FREM2: variants seen among roughly 807,000 people sequenced by gnomAD.
FREM2 encodes the protein FRAS1 related extracellular matrix 2, also known as FRAS1-related extracellular matrix protein 2.
FREM2 carries 119 observed loss-of-function variants against 219.9 expected under a neutral mutation model. That is an observed-to-expected ratio of 0.54 (90% CI 0.47 to 0.63). FREM2 has a LOEUF of 0.63. Ranked by LOEUF, FREM2 falls within the 30% of genes least tolerant of loss-of-function variation. The probability of loss-of-function intolerance (pLI) is 0.00; values close to 1 mark genes in which losing one functional copy is unlikely to be tolerated. For missense variants in FREM2, 4,030 were observed against 3,993.6 expected, an observed-to-expected ratio of 1.01 and a Z score of -0.25; for synonymous variants, 1,562 against 1,522.8, an observed-to-expected ratio of 1.03 and a Z score of -0.60.
chr13:38,692,876 A>G (rs1458981355), intron 1 of FREM2, among the ~76,000 whole-genome samples: 1 of 152,194 alleles, frequency 6.6e-6, no homozygotes, highest in African/African-American at 2.4e-5. Flanking sequence ...TTCATGAAGC[A>G]TTTTGGCACC....
chr13:38,725,281 C>T (rs941817122), intron 2 of FREM2, among the ~76,000 whole-genome samples: 8 of 152,144 alleles, frequency 5.3e-5, no homozygotes, highest in African/African-American at 1.9e-4. Flanking sequence ...TCTCTGCCTT[C>T]ATAATACTTT....
chr13:38,812,494 G>A (rs1386357659), intron 6 of FREM2, among the ~76,000 whole-genome samples: 1 of 152,066 alleles, frequency 6.6e-6, no homozygotes, highest in Non-Finnish European at 1.5e-5. Context: ...CACAAGGCTT[G>A]CAAATACTAT....
At chr13:38,694,043 A>T (rs1459674914) in intron 1 of FREM2, among the ~76,000 whole-genome samples, 1 of 152,254 alleles carries the variant, frequency 6.6e-6, no homozygotes, top group Non-Finnish European at 1.5e-5. Context: ...TCTGACCTGA[A>T]AAAGAAATCT....
intron 2 of FREM2, among the ~76,000 whole-genome samples, chr13:38,746,915 G>A (rs1402838973): frequency 6.6e-6 from 1 of 152,138 alleles, no homozygotes. Flanking sequence ...GCATTTCCTG[G>A]GTCCTTGGTA....
intron 6 of FREM2, among the ~76,000 whole-genome samples, chr13:38,800,034 A>T (rs1248319719): frequency 1.3e-5 from 2 of 151,852 alleles, no homozygotes; most frequent in African/African-American, 2.4e-5. Context: ...TGGTTATTTT[A>T]TATATTATCT....
intron 17 of FREM2, among the ~76,000 whole-genome samples, chr13:38,873,735 AAAAC>A (rs1245348552): frequency 6.6e-6 from 1 of 152,208 alleles, no homozygotes. Flanking sequence ...AGCCAGCAGG[AAAAC>A]AGAGTTAATA....
At position 38,706,006 on chromosome 13, in the gene FREM2, C is replaced by T. The variant is rs148938298; in HGVS notation, c.5263+8219C>T. On this transcript the variant is annotated intron_variant, in intron 2 of 23. Coordinates refer to ENST00000280481, the MANE Select transcript of FREM2 (RefSeq NM_207361.6). ...CGGAGGCTTCCAAAGTTATTTCACA[C>T]GTTGTAAGTAGTTTAACTAATATTT... Among the ~76,000 whole-genome samples the T allele has an allele frequency of 5.5e-3, 831 of 152,226 alleles. 16 individuals carry two copies. Among genetic ancestry groups the T allele is most frequent in the African/African-American group, 0.019 (782 of 41,534 alleles).
rs1877695388 is a variant in FREM2, at chr13:38,859,692, A to G, written c.7519+102A>G. 16 of 1,120,238 alleles carry G rather than the reference A, an allele frequency of 1.4e-5. No individual in the cohort carries two copies. The East Asian group carries it at 1.8e-4, about 12-fold the overall frequency. The allele number at this position is 1,120,238 out of a possible 1,614,324, so 69.4% of individuals were successfully genotyped here. The stretch of plus-strand genomic sequence containing the variant: ...ATACTTCCAATGTCCCACATATTCC[A>G]TATATTTTGTAAGTAGTGAAAAATT... On this transcript the variant is annotated intron_variant, in intron 14 of 23. Transcript: ENST00000280481.
chr13:38,877,729 A>C (rs1003116051), intron 21 of FREM2, among the ~76,000 whole-genome samples: 1 of 152,200 alleles, frequency 6.6e-6, no homozygotes, highest in Non-Finnish European at 1.5e-5. Context: ...AGAAACAAAT[A>C]ACGTTAATTA....
At chr13:38,864,169 A>T in intron 15 of FREM2, 106 bp from the exon 16 acceptor site, 1 of 864,932 alleles carries the variant, frequency 1.2e-6, no homozygotes, top group Non-Finnish European at 1.9e-6. Context: ...CCACTGCTGT[A>T]TGGCATTTTA....
intron 6 of FREM2, among the ~76,000 whole-genome samples, chr13:38,828,792 C>A (rs1876396088): frequency 6.6e-6 from 1 of 151,924 alleles, no homozygotes; most frequent in Non-Finnish European, 1.5e-5. Flanking sequence ...TGCATATAAA[C>A]CCAGCTCATT....
intron 6 of FREM2, among the ~76,000 whole-genome samples, chr13:38,827,859 A>T (rs4612934): frequency 0.44 from 67,603 of 151,924 alleles, 15,738 homozygotes; most frequent in African/African-American, 0.59. Flanking sequence ...GTTTTAGAGA[A>T]CTTAACGAAG....
chr13:38,714,174 GTGGCTGGTCAGTCACATA>G (rs1870889451), intron 2 of FREM2, among the ~76,000 whole-genome samples: 3 of 152,234 alleles, frequency 2.0e-5, no homozygotes, highest in African/African-American at 7.2e-5. Flanking sequence ...CATGCACATA[GTGGCTGGTCAGTCACATA>G]TTCAAATGAG....
At chr13:38,816,605 A>G (rs1875778068) in intron 6 of FREM2, among the ~76,000 whole-genome samples, 1 of 152,170 alleles carries the variant, frequency 6.6e-6, no homozygotes, top group Admixed American at 6.5e-5. Flanking sequence ...TATGACAAAC[A>G]CACAGCTAAC....
At chr13:38,811,956 T>C (rs1415516913) in intron 6 of FREM2, among the ~76,000 whole-genome samples, 1 of 152,168 alleles carries the variant, frequency 6.6e-6, no homozygotes, top group African/African-American at 2.4e-5. Context: ...CAATGCTTAC[T>C]TTATATATCT....
rs779368897 is a variant in FREM2, at chr13:38,880,351, G to A, written c.9074G>A (p.Arg3025Gln). 24 of 1,613,670 alleles carry A rather than the reference G, an allele frequency of 1.5e-5. No individual in the cohort carries two copies. The highest frequency in any genetic ancestry group is 1.3e-4 in the East Asian group (6 of 44,882). The change falls in exon 24 of 24, where the codon CGA (arginine) becomes CAA (glutamine). Residue 3025 changes from arginine to glutamine, a missense_variant. This residue lies in a region of FREM2 where 928 missense variants were observed against 1,042.9 expected (regional missense o/e 0.89). Coordinates refer to ENST00000280481, the MANE Select transcript of FREM2 (RefSeq NM_207361.6). ...GTGAGATCGAAAGACAATGCCAATC[G>A]AGGTATTGGCAAAAGAAGTGTGGAG... ...YTVRSKDNAN[R>Q]GIGKRSVEYH...
At chr13:38,787,307 C>T (rs1266789095) in intron 6 of FREM2, among the ~76,000 whole-genome samples, 1 of 152,150 alleles carries the variant, frequency 6.6e-6, no homozygotes, top group Admixed American at 6.6e-5. Context: ...ATGCATACTG[C>T]TCTGTTTTCT....
At position 38,692,243 on chromosome 13, in the gene FREM2, T is replaced by C. The variant is rs745690359; in HGVS notation, c.4899T>C (p.Asp1633=). ...ATACAGACTTCTATGTTTTTCCTGATACGGTGTTTGAAACAAGGAGACCCC... is the reference window on the plus strand; with the variant it reads ...ATACAGACTTCTATGTTTTTCCTGACACGGTGTTTGAAACAAGGAGACCCC... ...GTHTDFYVFP[D]TVFETRRPQV... is the part of the protein sequence containing the mutation. The change falls in exon 1 of 24, where the codon GAT becomes GAC. Residue 1633 remains aspartate (D), a synonymous_variant. Transcript: ENST00000280481. 2 of 1,614,178 alleles carry C rather than the reference T, an allele frequency of 1.2e-6. No homozygotes were observed. Among genetic ancestry groups the C allele is most frequent in the Non-Finnish European group, 1.7e-6 (2 of 1,180,026 alleles).
chr13:38,724,432 T>A (rs9548439), intron 2 of FREM2, among the ~76,000 whole-genome samples: 18,260 of 152,146 alleles, frequency 0.12, 1,285 homozygotes, highest in Middle Eastern at 0.24. Context: ...GGATGTGGTA[T>A]TAGATTTAAA....
Sources: gnomAD v4.1 joint callset for allele counts (sites outside exome capture counted in the v4.1 genomes callset) on GRCh38, gnomAD v4.1.1 for gene constraint, gnomAD v4.1.1 regional missense constraint, MANE v1.5 for transcripts, NCBI Gene and HGNC (gene_info 2026-07-23, HGNC 2026-07-21) for gene names.